WWOX: variants seen among roughly 807,000 people sequenced by gnomAD.
The protein encoded by WWOX is WW domain containing oxidoreductase, also known as WW domain-containing oxidoreductase.
Under a neutral mutation model 46.2 loss-of-function variants are expected in WWOX, and 69 were observed. The ratio of observed to expected loss-of-function variants is 1.49; its 90% confidence interval spans 1.23 to 1.82. WWOX has a LOEUF of 1.82. Ranked by LOEUF, WWOX falls within the 40% of genes most tolerant of loss-of-function variation. WWOX has a pLI of 0.00. For missense variants in WWOX, 919 were observed against 542.6 expected, an observed-to-expected ratio of 1.69 and a Z score of -6.89; for synonymous variants, 359 against 202.6, an observed-to-expected ratio of 1.77 and a Z score of -6.56.
intron 5 of WWOX, among the ~76,000 whole-genome samples, chr16:78,314,688 G>GTTTTTTTTTTTGT (rs2080320323): frequency 1.1e-5 from 1 of 90,510 alleles, no homozygotes; most frequent in Non-Finnish European, 2.0e-5. Flanking sequence ...CCCTGCAGGG[G>GTTTTTTTTTTTGT]TTTTTTTTTT....
intron 8 of WWOX, among the ~76,000 whole-genome samples, chr16:78,957,804 C>A (rs9673718): frequency 1.3e-5 from 2 of 152,200 alleles, no homozygotes; most frequent in Non-Finnish European, 2.9e-5. Flanking sequence ...GTTTTAATCT[C>A]AAAGCTGTCC....
chr16:79,196,257 G>T (rs1722355699), intron 8 of WWOX: 1 of 152,196 alleles, frequency 6.6e-6, no homozygotes, highest in Non-Finnish European at 1.5e-5. Context: ...AACATACATT[G>T]TGTATTACAC....
intron 8 of WWOX, among the ~76,000 whole-genome samples, chr16:78,433,774 T>C: frequency 7.2e-6 from 1 of 139,140 alleles, no homozygotes; most frequent in African/African-American, 2.8e-5. Context: ...TATTTGGGGA[T>C]GACTTTTTTT....
At chr16:78,905,780 G>C (rs1384593669) in intron 8 of WWOX, among the ~76,000 whole-genome samples, 1 of 152,148 alleles carries the variant, frequency 6.6e-6, no homozygotes, top group Non-Finnish European at 1.5e-5. Context: ...ATACAATGTA[G>C]TTTAAAACCA....
intron 4 of WWOX, among the ~76,000 whole-genome samples, chr16:78,148,082 G>A (rs1311860843): frequency 6.6e-6 from 1 of 152,128 alleles, no homozygotes; most frequent in Admixed American, 6.5e-5. Flanking sequence ...TGAAAACAAT[G>A]AGACACGTTC....
At chr16:78,099,924 C>A (rs1361447466) in intron 1 of WWOX, 39 bp downstream of exon 1, 1 of 1,545,658 alleles carries the variant, frequency 6.5e-7, no homozygotes, top group East Asian at 2.5e-5. Flanking sequence ...GCACCTGGGA[C>A]CCTGCACAGC....
At chr16:78,925,204 A>G (rs1308404936) in intron 8 of WWOX, among the ~76,000 whole-genome samples, 2 of 152,150 alleles carry the variant, frequency 1.3e-5, no homozygotes, top group East Asian at 3.9e-4. Context: ...TAAAACAAAA[A>G]CAAAAAGAAA....
chr16:78,525,598 T>A (rs1380707686), intron 8 of WWOX: 3 of 152,200 alleles, frequency 2.0e-5, no homozygotes, highest in Non-Finnish European at 4.4e-5. Context: ...TCCACTGCAT[T>A]TTGTAGGGGA....
At chr16:78,371,754 G>A (rs1294576787) in intron 5 of WWOX, among the ~76,000 whole-genome samples, 3 of 151,588 alleles carry the variant, frequency 2.0e-5, no homozygotes, top group Non-Finnish European at 4.4e-5. Context: ...TGCTATACTA[G>A]CTATTCTGCT....
chr16:78,384,821 C>T (rs771644664), intron 5 of WWOX, among the ~76,000 whole-genome samples: 1 of 152,184 alleles, frequency 6.6e-6, no homozygotes, highest in East Asian at 1.9e-4. Flanking sequence ...AATTTCATCA[C>T]TTTCTACCAC....
At chr16:78,205,774 A>C in intron 5 of WWOX, among the ~76,000 whole-genome samples, 1 of 150,100 alleles carries the variant, frequency 6.7e-6, no homozygotes, top group African/African-American at 2.5e-5. Flanking sequence ...CACCCCACCC[A>C]CCTATCCTTC....
At chr16:78,726,580 A>C (rs1000100036) in intron 8 of WWOX, among the ~76,000 whole-genome samples, 4 of 152,172 alleles carry the variant, frequency 2.6e-5, no homozygotes, top group Admixed American at 1.3e-4. Context: ...CCCATGGGAT[A>C]GTAGGTAAAT....
chr16:78,688,789 T>G (rs1338072799), intron 8 of WWOX, among the ~76,000 whole-genome samples: 1 of 152,148 alleles, frequency 6.6e-6, no homozygotes, highest in Admixed American at 6.5e-5. Context: ...GTTGTAGTTC[T>G]CATAATCCCC....
At chr16:78,700,491 G>A (rs112744502) in intron 8 of WWOX, among the ~76,000 whole-genome samples, 1 of 152,034 alleles carries the variant, frequency 6.6e-6, no homozygotes, top group Non-Finnish European at 1.5e-5. Flanking sequence ...GAAGAGAGAG[G>A]AACATATTCA....
chr16:78,286,610 A>G (rs1378064269), intron 5 of WWOX, among the ~76,000 whole-genome samples: 1 of 152,140 alleles, frequency 6.6e-6, no homozygotes, highest in African/African-American at 2.4e-5. Context: ...TCCCCTAAGA[A>G]ATGGAACTGT....
At chr16:78,424,558 A>C (rs940828161) in intron 6 of WWOX, among the ~76,000 whole-genome samples, 1 of 152,202 alleles carries the variant, frequency 6.6e-6, no homozygotes, top group African/African-American at 2.4e-5. Flanking sequence ...AGTTCCAACT[A>C]GGGTGACAAC....
At chr16:78,988,924 T>C (rs1233076523) in intron 8 of WWOX, among the ~76,000 whole-genome samples, 1 of 152,154 alleles carries the variant, frequency 6.6e-6, no homozygotes, top group East Asian at 1.9e-4. Flanking sequence ...CGTGCTTCTT[T>C]TCAGCTTTGT....
chr16:78,666,154 G>T (rs1306081014), intron 8 of WWOX, among the ~76,000 whole-genome samples: 7 of 152,052 alleles, frequency 4.6e-5, no homozygotes, highest in Non-Finnish European at 1.5e-5. Flanking sequence ...GAGTGTGGTG[G>T]TGTGCCACAG....
intron 8 of WWOX, chr16:79,202,551 GGGA>G (rs1470049949): frequency 6.6e-6 from 1 of 152,242 alleles, no homozygotes; most frequent in East Asian, 1.9e-4. Context: ...TGTCTTTCCT[GGGA>G]GAAGGTCAGA....
Sources: allele counts gnomAD v4.1 joint callset (sites outside exome capture counted in the v4.1 genomes callset), GRCh38; gene constraint gnomAD v4.1.1; transcripts MANE v1.5; gene names NCBI Gene and HGNC (gene_info 2026-07-23, HGNC 2026-07-21).